ARHGEF19: variants seen among roughly 807,000 people sequenced by gnomAD.
ARHGEF19 encodes Rho guanine nucleotide exchange factor 19.
Under a neutral mutation model 87.6 loss-of-function variants are expected in ARHGEF19, and 92 were observed. That is an observed-to-expected ratio of 1.05 (90% CI 0.89 to 1.25). The LOEUF is 1.25. Among genes scored for constraint, ARHGEF19 ranks in the 50% most tolerant of loss-of-function variants. The pLI, the probability that ARHGEF19 is intolerant of heterozygous loss-of-function variation, is 0.00. For synonymous variants in ARHGEF19, 438 were observed against 446.2 expected (o/e 0.98, Z 0.23); for missense variants, 1,054 against 1,051.8 (o/e 1.00, Z -0.03).
intron 1 of ARHGEF19, among the ~76,000 whole-genome samples, chr1:16,211,780 GA>G (rs1553144033): frequency 6.6e-6 from 1 of 152,142 alleles, no homozygotes; most frequent in African/African-American, 2.4e-5. Flanking sequence ...ATCTCTGTTA[GA>G]AAAAAACAAA....
intron 14 of ARHGEF19, 25 bp from the exon 15 acceptor site, chr1:16,199,279 G>A (rs747250939): frequency 6.2e-7 from 1 of 1,610,344 alleles, no homozygotes; most frequent in African/African-American, 1.3e-5. Context: ...GAGGCTCAGG[G>A]AGTCCCAAGG....
At chr1:16,202,618 G>C in intron 12 of ARHGEF19, 44 bp from the exon 13 acceptor site, 1 of 1,591,444 alleles carries the variant, frequency 6.3e-7, no homozygotes, top group South Asian at 1.1e-5. Context: ...CTGGGCCCTG[G>C]CTCTAGGCAC....
At position 16,206,097 on chromosome 1, in the gene ARHGEF19, GC is replaced by G. The variant is rs1244444496; in HGVS notation, c.1299-15del. ...TCCTGCAGGAACCTGAGGAGTCAGAGCCAGGATGGAGACCCCAGATCTGGGA... is the reference window on the plus strand; with the variant it reads ...TCCTGCAGGAACCTGAGGAGTCAGAGCAGGATGGAGACCCCAGATCTGGGA... On this transcript the variant is annotated splice_polypyrimidine_tract_variant and intron_variant, in intron 7 of 15. Coordinates refer to ENST00000270747, the MANE Select transcript of ARHGEF19 (RefSeq NM_153213.5). This position sits in a 1 kb window ranked among gnomAD's most constrained non-coding sequence, Gnocchi z 4.6. 6.3e-7 allele frequency: 1 copy of G among 1,575,846 alleles called. No homozygotes were observed. Among genetic ancestry groups the G allele is most frequent in the Non-Finnish European group, 8.6e-7 (1 of 1,160,074 alleles).
rs767444214 is a variant in ARHGEF19 at position 16,206,343 on chromosome 1, G to C, written c.1138-3C>G. On this transcript the variant is annotated splice_region_variant and splice_polypyrimidine_tract_variant and intron_variant, in intron 6 of 15. Transcript: ENST00000270747. The surrounding 1 kb of genome is among the most constrained non-coding windows in gnomAD (Gnocchi z 4.6). ...GAGGTGATCAGCTCAAACTTGGCCTGAGGGAGGGCACACACGGGGTCGAAA... is the reference window on the plus strand; with the variant it reads ...GAGGTGATCAGCTCAAACTTGGCCTCAGGGAGGGCACACACGGGGTCGAAA... The C allele has an allele frequency of 6.3e-7, 1 of 1,575,538 alleles. No individual in the cohort carries two copies. Among genetic ancestry groups the C allele is most frequent in the South Asian group, 1.2e-5 (1 of 85,710 alleles).
In ARHGEF19 at chr1:16,198,550, C is replaced by T; in HGVS notation, c.*37G>A. 6.4e-7 allele frequency: 1 copy of T among 1,565,290 alleles called. No homozygotes were observed. The highest frequency in any genetic ancestry group is 1.8e-5 in the Admixed American group (1 of 54,756). ...GGCCCCTCCAGGACCATCCAGGAGC[C>T]AGGCATGGAGGTGGGGTCCTAGGCC... On this transcript the variant is annotated 3_prime_UTR_variant, in exon 16 of 16. Coordinates refer to ENST00000270747, the MANE Select transcript of ARHGEF19 (RefSeq NM_153213.5). This position sits in a 1 kb window ranked among gnomAD's most constrained non-coding sequence, Gnocchi z 4.1.
Position 16,204,786 on chromosome 1 carries a change from T to TC in ARHGEF19, c.1879dup (p.Asp627GlyfsTer24). On this transcript the variant is annotated frameshift_variant, in exon 12 of 16. Coordinates refer to ENST00000270747, the MANE Select transcript of ARHGEF19 (RefSeq NM_153213.5). LOFTEE classifies it high-confidence loss of function. ...CTTCCGCCGAGAGAGCAGCAAGCAG[T>TC]CATTGAAGAGGTGGAGGTAGACTGC... The TC allele has an allele frequency of 6.2e-7, 1 of 1,609,922 alleles. No individual in the cohort carries two copies. Among genetic ancestry groups the TC allele is most frequent in the Non-Finnish European group, 8.5e-7 (1 of 1,177,198 alleles).
rs1318247898 is a variant in ARHGEF19 at position 16,207,673 on chromosome 1, A to T, written c.797+2T>A. 2 of 1,614,044 alleles carry T rather than the reference A, an allele frequency of 1.2e-6. No homozygotes were observed. The highest frequency in any genetic ancestry group is 4.5e-5 in the East Asian group (2 of 44,874). On this transcript the variant is annotated splice_donor_variant, in intron 4 of 15. Coordinates refer to ENST00000270747, the MANE Select transcript of ARHGEF19 (RefSeq NM_153213.5). LOFTEE classifies it high-confidence loss of function. The surrounding 1 kb of genome is among the most constrained non-coding windows in gnomAD (Gnocchi z 4.0). ...GACCCAAGCCCAAACGGGAGGTGGT[A>T]CCTGGGCTCGGACCAATCGCCCTCT...
intron 14 of ARHGEF19, among the ~76,000 whole-genome samples, chr1:16,201,267 A>T (rs144553506): frequency 2.0e-4 from 31 of 152,320 alleles, no homozygotes; most frequent in South Asian, 2.1e-4. Context: ...GGGACACTAT[A>T]GGAAGGCTCT....
Position 16,198,588 on chromosome 1 carries a change from C to G in ARHGEF19, c.2408G>C (p.Ter803SerextTer6). ...ATSKLGEAPV[*>S] ...GGGGTCCTAGGCCATGGCTGCCCAT[C>G]ACACAGGAGCCTCCCCCAGTTTGCT... Residue 803 changes from the stop codon to serine, a stop_lost, in exon 16 of 16, where the codon TGA (stop) becomes TCA (serine). Transcript: ENST00000270747. This position sits in a 1 kb window ranked among gnomAD's most constrained non-coding sequence, Gnocchi z 4.1. 1 of 1,605,560 alleles carries G rather than the reference C, an allele frequency of 6.2e-7. No individual in the cohort carries two copies. The highest frequency in any genetic ancestry group is 8.5e-7 in the Non-Finnish European group (1 of 1,175,432).
rs369986840 is a variant in ARHGEF19, at chr1:16,206,380, G to C, written c.1138-40C>G. 68 of 1,558,650 alleles carry C rather than the reference G, an allele frequency of 4.4e-5. No homozygotes were observed. The highest frequency in any genetic ancestry group is 5.7e-5 in the Non-Finnish European group (66 of 1,150,590). On this transcript the variant is annotated intron_variant, in intron 6 of 15. Coordinates refer to ENST00000270747, the MANE Select transcript of ARHGEF19 (RefSeq NM_153213.5). This position sits in a 1 kb window ranked among gnomAD's most constrained non-coding sequence, Gnocchi z 4.6. ...ACACGGGGTCGAAAGGGCAGGACCA[G>C]TTCACCTCGGAGGCCCTGGCCTCAC...
Position 16,208,627 on chromosome 1 carries a change from C to A in ARHGEF19, c.412+16G>T. The A allele has an allele frequency of 6.3e-7, 1 of 1,592,540 alleles. No homozygotes were observed. On this transcript the variant is annotated intron_variant, in intron 2 of 15. Transcript: ENST00000270747. Reference sequence around the variant, plus strand: ...CTGCCATGGCACCCACACCCGCCTTCCCCAGGGTGACTCACAGGCAGACTT... The same window carrying A: ...CTGCCATGGCACCCACACCCGCCTTACCCAGGGTGACTCACAGGCAGACTT...
intron 2 of ARHGEF19, among the ~76,000 whole-genome samples, 191 bp from the exon 3 acceptor site, chr1:16,208,416 G>A (rs1341133973): frequency 6.6e-6 from 1 of 152,220 alleles, no homozygotes; most frequent in Non-Finnish European, 1.5e-5. Context: ...ACAGGGCCTG[G>A]CTGCAGTAGA....
rs370375690 is a variant in ARHGEF19 at position 16,204,319 on chromosome 1, A to C, written c.1907+440T>G. Among the ~76,000 whole-genome samples, 276 of 152,292 alleles carry C rather than the reference A, an allele frequency of 1.8e-3. 3 individuals are homozygous for C. Among genetic ancestry groups the C allele is most frequent in the African/African-American group, 6.5e-3 (269 of 41,558 alleles). On this transcript the variant is annotated intron_variant, in intron 12 of 15. Transcript: ENST00000270747. Reference sequence around the variant, plus strand: ...TGGCATCCTCCTGGCTCCCCCACCTACTAGCTCCATGATCTGAGAGTAACA... The same window carrying C: ...TGGCATCCTCCTGGCTCCCCCACCTCCTAGCTCCATGATCTGAGAGTAACA...
In ARHGEF19 at chr1:16,205,679, G is replaced by A. The variant is rs1369909157; in HGVS notation, c.1452-12C>T. 2.5e-6 allele frequency: 4 copies of A among 1,598,366 alleles called. No individual in the cohort carries two copies. On this transcript the variant is annotated splice_polypyrimidine_tract_variant and intron_variant, in intron 8 of 15. Transcript: ENST00000270747. This position sits in a 1 kb window ranked among gnomAD's most constrained non-coding sequence, Gnocchi z 5.8. ...TGGGGTTCTCCAGGCTGGAAAATGG[G>A]GAGGACTCTGGAATCACAGGTAGGC...
At position 16,205,345 on chromosome 1, in the gene ARHGEF19, G is replaced by A; in HGVS notation, c.1656+6C>T. 6.2e-7 allele frequency: 1 copy of A among 1,613,878 alleles called. No homozygotes were observed. Among genetic ancestry groups the A allele is most frequent in the Non-Finnish European group, 8.5e-7 (1 of 1,179,864 alleles). On this transcript the variant is annotated splice_donor_region_variant and intron_variant, in intron 10 of 15. Transcript: ENST00000270747. The surrounding 1 kb of genome is among the most constrained non-coding windows in gnomAD (Gnocchi z 5.8). ...AGCCAAGCAGCCCCTGCCCTGCCCA[G>A]CTCACCTCCTTGAGCGCATTGAAGG...
In ARHGEF19 at chr1:16,205,401, C is replaced by G; in HGVS notation, c.1606G>C (p.Gly536Arg). ...GTGGCCATGTCTTCGTCTTCAGAGC[C>G]CTGTGCTGTCCGCTTCAGGATGTTC... ...VENILKRTAQ[G>R]SEDEDMATKA... is the part of the protein sequence containing the mutation. The change falls in exon 10 of 16, where the codon GGC becomes CGC. Residue 536 changes from glycine to arginine, a missense_variant. Gly to Arg is a moderately radical substitution (Grantham distance 125). Transcript: ENST00000270747. The surrounding 1 kb of genome is among the most constrained non-coding windows in gnomAD (Gnocchi z 5.8). 1.2e-6 allele frequency: 2 copies of G among 1,612,170 alleles called. No homozygotes were observed. The highest frequency in any genetic ancestry group is 1.7e-6 in the Non-Finnish European group (2 of 1,179,020).
Position 16,206,961 on chromosome 1 carries a change from C to A in ARHGEF19, c.1124G>T (p.Cys375Phe). The change falls in exon 6 of 16, where the codon TGC (cysteine) becomes TTC (phenylalanine). Residue 375 changes from cysteine (C) to phenylalanine (F), a missense_variant. Coordinates refer to ENST00000270747, the MANE Select transcript of ARHGEF19 (RefSeq NM_153213.5). This position sits in a 1 kb window ranked among gnomAD's most constrained non-coding sequence, Gnocchi z 4.6. ...GCGCGCGCCCACCTCCTGCAGCTTG[C>A]AGTCCCGCAGGCTCAGCGTGGCCAG... is the stretch of plus-strand genomic sequence containing the variant. ...GVLATLSLRD[C>F]KLQEAKFELI... 6.7e-7 allele frequency: 1 copy of A among 1,498,306 alleles called. No homozygotes were observed. The highest frequency in any genetic ancestry group is 8.8e-7 in the Non-Finnish European group (1 of 1,130,280). The allele number at this position is 1,498,306 out of a possible 1,614,324, so 92.8% of individuals were successfully genotyped here. A position where few individuals can be genotyped will look rare whatever the true frequency, so the allele number is the denominator to read the frequency against.
In ARHGEF19 at chr1:16,202,483, C is replaced by G. The variant is rs746745880; in HGVS notation, c.1999G>C (p.Val667Leu). 1 of 1,614,160 alleles carries G rather than the reference C, an allele frequency of 6.2e-7. No individual in the cohort carries two copies. ...CCGTGGAGGAGCTGGAGGAGGAACA[C>G]GTGGCCGGGGATGCCCTGCAGCTTC... The part of the protein sequence containing the change: ...SLKLQGIPGH[V>L]FLLQLLHGQH... Residue 667 changes from valine to leucine, a missense_variant, in exon 13 of 16, where the codon GTG (valine) becomes CTG (leucine). Transcript: ENST00000270747.
Position 16,207,355 on chromosome 1 carries a change from C to G in ARHGEF19, c.875-145G>C. ...CAGTGAATTCATTCATTCATTCATTCATTCCATAAACAAATTGAGCACCTA... is the reference window on the plus strand; with the variant it reads ...CAGTGAATTCATTCATTCATTCATTGATTCCATAAACAAATTGAGCACCTA... On this transcript the variant is annotated intron_variant, in intron 5 of 15. Transcript: ENST00000270747. The surrounding 1 kb of genome is among the most constrained non-coding windows in gnomAD (Gnocchi z 4.0). 2 of 1,340,008 alleles carry G rather than the reference C, an allele frequency of 1.5e-6. No individual in the cohort carries two copies. Among genetic ancestry groups the G allele is most frequent in the Non-Finnish European group, 2.0e-6 (2 of 1,001,928 alleles). 83.0% of individuals were successfully genotyped at this position (1,340,008 alleles called of 1,614,324 possible).
Sources: gnomAD v4.1 joint callset for allele counts (sites outside exome capture counted in the v4.1 genomes callset) on GRCh38, gnomAD v4.1.1 for gene constraint, Gnocchi (gnomAD v3.1) non-coding constraint, MANE v1.5 for transcripts, NCBI Gene and HGNC (gene_info 2026-07-23, HGNC 2026-07-21) for gene names.